WDR7: variants seen among roughly 807,000 people sequenced by gnomAD.
The protein encoded by WDR7 is WD repeat-containing protein 7.
Under a neutral mutation model 169.4 loss-of-function variants are expected in WDR7, and 46 were observed. The ratio of observed to expected loss-of-function variants is 0.27; its 90% CI spans 0.21 to 0.35. The LOEUF (loss-of-function observed/expected upper bound fraction) is 0.35, where lower values mean the gene tolerates loss of function less well. WDR7 is among the 10% of genes least tolerant of loss of function. The pLI, the probability that WDR7 is intolerant of heterozygous loss-of-function variation, is 1.00. For synonymous variants in WDR7, 612 were observed against 666.8 expected (o/e 0.92, Z 1.27); for missense variants, 1,534 against 1,859.3 (o/e 0.83, Z 3.22).
intron 19 of WDR7, among the ~76,000 whole-genome samples, chr18:56,784,636 C>T (rs2044367982): frequency 6.6e-6 from 1 of 152,202 alleles, no homozygotes; most frequent in African/African-American, 2.4e-5. Flanking sequence ...TGCTTTCAGA[C>T]ACTGTTCTTT....
chr18:57,021,010 C>G (rs1414071755), intron 27 of WDR7, among the ~76,000 whole-genome samples, 161 bp downstream of exon 27: 1 of 152,220 alleles, frequency 6.6e-6, no homozygotes, highest in African/African-American at 2.4e-5. Flanking sequence ...GTGCCAGGCA[C>G]TAGCATGCAG....
At chr18:56,800,316 T>C (rs1023044801) in intron 19 of WDR7, among the ~76,000 whole-genome samples, 2 of 152,198 alleles carry the variant, frequency 1.3e-5, no homozygotes, top group Admixed American at 6.5e-5. Context: ...CTTCTATAGA[T>C]GCATTATGCT....
downstream of WDR7, chr18:57,031,409 C>T (rs1173732477): frequency 6.6e-6 from 1 of 152,134 alleles, no homozygotes; most frequent in Non-Finnish European, 1.5e-5. Flanking sequence ...ATTCTGTAGA[C>T]AAATACCTCC....
chr18:56,962,281 AATCAT>A, intron 25 of WDR7, 144 bp from the exon 26 acceptor site: 1 of 411,720 alleles, frequency 2.4e-6, no homozygotes, highest in Non-Finnish European at 4.2e-6. Flanking sequence ...ATTTTTGAAA[AATCAT>A]AATATATTTA....
intron 12 of WDR7, among the ~76,000 whole-genome samples, chr18:56,697,185 C>T (rs2025722467): frequency 6.6e-6 from 1 of 152,200 alleles, no homozygotes; most frequent in African/African-American, 2.4e-5. Context: ...ACATCGTCTT[C>T]TTGTAGACAA....
intron 26 of WDR7, among the ~76,000 whole-genome samples, chr18:57,014,374 A>G (rs898832244): frequency 2.0e-5 from 3 of 150,122 alleles, no homozygotes; most frequent in African/African-American, 7.3e-5. Flanking sequence ...GAAAGTCCAC[A>G]TCTTGAGGCC....
At chr18:56,768,085 A>G (rs2044095080) in intron 16 of WDR7, among the ~76,000 whole-genome samples, 1 of 152,294 alleles carries the variant, frequency 6.6e-6, no homozygotes, top group South Asian at 2.1e-4. Flanking sequence ...ACATTCTCAT[A>G]TAATTTGTGA....
intron 24 of WDR7, among the ~76,000 whole-genome samples, chr18:56,939,093 CTTTAT>C (rs763627470): frequency 1.3e-5 from 2 of 151,942 alleles, no homozygotes; most frequent in Non-Finnish European, 2.9e-5. Context: ...AGTCTGTTGT[CTTTAT>C]TTTATTGCAC....
At chr18:56,758,336 T>C (rs2043930096) in intron 15 of WDR7, among the ~76,000 whole-genome samples, 1 of 152,206 alleles carries the variant, frequency 6.6e-6, no homozygotes, top group African/African-American at 2.4e-5. Flanking sequence ...TGTACTTTTA[T>C]TATCCCTTTT....
intron 22 of WDR7, 59 bp downstream of exon 22, chr18:56,924,167 TG>T: frequency 6.3e-7 from 1 of 1,589,852 alleles, no homozygotes; most frequent in Non-Finnish European, 8.6e-7. Context: ...GGGGTTTTTT[TG>T]GTGGGTTTAT....
Position 56,718,157 on chromosome 18 carries a change from C to A in WDR7, c.1772C>A (p.Thr591Asn), listed in dbSNP as rs1312429655. ...TCTGTGTACGTCTGGCAAATGGATACTGGTAAGAACAAGTATGAAGAGATA... is the reference window on the plus strand; with the variant it reads ...TCTGTGTACGTCTGGCAAATGGATAATGGTAAGAACAAGTATGAAGAGATA... The part of the protein sequence containing the change: ...DGSVYVWQMD[T>N]GALDRCVMGI... The change falls in exon 13 of 28, where the codon ACT becomes AAT. Residue 591 changes from threonine to asparagine, a missense_variant and splice_region_variant. Transcript: ENST00000254442. 1 of 1,603,922 alleles carries A rather than the reference C, an allele frequency of 6.2e-7. No individual in the cohort carries two copies.
In WDR7 at chr18:56,733,537, A is replaced by T. The variant is rs983810378; in HGVS notation, c.1989+1940A>T. Among the ~76,000 whole-genome samples the T allele has an allele frequency of 6.6e-5, 10 of 152,310 alleles. No homozygotes were observed. In the East Asian group the frequency reaches 1.3e-3, roughly 21 times the overall value. On this transcript the variant is annotated intron_variant, in intron 14 of 27. Coordinates refer to ENST00000254442, the MANE Select transcript of WDR7 (RefSeq NM_015285.3). ...AGCAAAGCCTGTATTGGGATACTCTATAGAAAGTGCTGCTTTTTGTCTTGG... is the reference window on the plus strand; with the variant it reads ...AGCAAAGCCTGTATTGGGATACTCTTTAGAAAGTGCTGCTTTTTGTCTTGG...
At chr18:56,850,719 C>T (rs1184624024) in intron 20 of WDR7, among the ~76,000 whole-genome samples, 1 of 152,012 alleles carries the variant, frequency 6.6e-6, no homozygotes, top group Non-Finnish European at 1.5e-5. Context: ...TGCTCTGTTG[C>T]CTAGGTTGGT....
chr18:57,025,210 T>C (rs1194620248), intron 27 of WDR7, among the ~76,000 whole-genome samples: 1 of 152,234 alleles, frequency 6.6e-6, no homozygotes, highest in Non-Finnish European at 1.5e-5. Context: ...TCAAGCTTCA[T>C]ACATATATTC....
At chr18:56,921,085 C>CA (rs558206165) in intron 21 of WDR7, among the ~76,000 whole-genome samples, 775 of 152,246 alleles carry the variant, frequency 5.1e-3, no homozygotes, top group Non-Finnish European at 7.9e-3. Context: ...ATTATTCCTG[C>CA]AGAACATCAT....
At chr18:56,770,436 T>TC (rs2044136408) in intron 16 of WDR7, among the ~76,000 whole-genome samples, 1 of 152,248 alleles carries the variant, frequency 6.6e-6, no homozygotes, top group South Asian at 2.1e-4. Context: ...CAATGAACTC[T>TC]CTCCCCATGG....
chr18:56,654,417 AGC>A (rs1395428303), intron 1 of WDR7, among the ~76,000 whole-genome samples: 1 of 152,246 alleles, frequency 6.6e-6, no homozygotes, highest in Non-Finnish European at 1.5e-5. Context: ...GGCATGAGCC[AGC>A]GTGCCCTGCC....
chr18:56,744,283 C>G (rs1019974138), intron 14 of WDR7, among the ~76,000 whole-genome samples: 9 of 142,528 alleles, frequency 6.3e-5, no homozygotes, highest in African/African-American at 2.3e-4. Context: ...AGAGCACAGG[C>G]TGGGTGTCTG....
intron 12 of WDR7, among the ~76,000 whole-genome samples, chr18:56,716,554 T>TA (rs1445945410): frequency 2.0e-5 from 3 of 152,128 alleles, no homozygotes; most frequent in Non-Finnish European, 4.4e-5. Flanking sequence ...GCTAGTAAGA[T>TA]AAAAATAAAG....
Sources: gnomAD v4.1 joint callset for allele counts (sites outside exome capture counted in the v4.1 genomes callset) on GRCh38, gnomAD v4.1.1 for gene constraint, MANE v1.5 for transcripts, NCBI Gene and HGNC (gene_info 2026-07-23, HGNC 2026-07-21) for gene names.